Variants in CHIC2 observed in about 807,000 individuals in gnomAD.
CHIC2 encodes cysteine-rich hydrophobic domain-containing protein 2.
CHIC2 carries 14 observed loss-of-function variants against 25.9 expected under a neutral mutation model. The observed-to-expected ratio is 0.54, with a 90% CI of 0.36 to 0.85. CHIC2 has a LOEUF of 0.85. Ranked by LOEUF, CHIC2 falls within the 40% of genes least tolerant of loss-of-function variation. CHIC2 has a pLI of 0.01. For synonymous variants in CHIC2, 70 were observed against 72.0 expected (o/e 0.97, Z 0.14); for missense variants, 146 against 202.0 (o/e 0.72, Z 1.68).
intron 3 of CHIC2, among the ~76,000 whole-genome samples, chr4:54,027,879 C>CTT (rs774928214): frequency 6.6e-6 from 1 of 152,132 alleles, no homozygotes; most frequent in Non-Finnish European, 1.5e-5. Flanking sequence ...TAATAAATAA[C>CTT]TTTTCAAAGA....
rs1715663298 is a variant in CHIC2, at chr4:54,013,868, CT to C, written c.415del (p.Arg139GlyfsTer8). On this transcript the variant is annotated frameshift_variant, in exon 5 of 6. Coordinates refer to ENST00000263921, the MANE Select transcript of CHIC2 (RefSeq NM_012110.4). LOFTEE classifies it high-confidence loss of function. ...KLCLHWRLSK[R>X]KCETNNMMEY... is the part of the protein sequence containing the mutation. The stretch of plus-strand genomic sequence containing the variant: ...CATCATGTTATTCGTTTCACATTTC[CT>C]TTTGCTCAGTCTCCAATGCAAGCAC... 6.2e-7 allele frequency: 1 copy of C among 1,613,174 alleles called. No homozygotes were observed. Among genetic ancestry groups the C allele is most frequent in the Non-Finnish European group, 8.5e-7 (1 of 1,179,462 alleles).
At chr4:54,040,912 T>A (rs1716556356) in intron 3 of CHIC2, among the ~76,000 whole-genome samples, 1 of 148,630 alleles carries the variant, frequency 6.7e-6, no homozygotes, top group African/African-American at 2.5e-5. Flanking sequence ...TAGAACAGAA[T>A]AAAAACAAGG....
the CHIC2 span, among the ~76,000 whole-genome samples, chr4:54,070,923 C>T: frequency 6.6e-6 from 1 of 152,178 alleles, no homozygotes; most frequent in Non-Finnish European, 1.5e-5. Flanking sequence ...GAGTGGGCAT[C>T]TGACCTAAAA....
upstream of CHIC2, among the ~76,000 whole-genome samples, chr4:54,067,306 G>C (rs1177432110): frequency 6.6e-6 from 1 of 151,828 alleles, no homozygotes; most frequent in Admixed American, 6.6e-5. Flanking sequence ...CTGTGTGTGT[G>C]TGTGTGTGTG....
At chr4:54,069,157 A>G (rs1468583122), upstream of CHIC2, among the ~76,000 whole-genome samples, 1 of 152,138 alleles carries the variant, frequency 6.6e-6, no homozygotes, top group Non-Finnish European at 1.5e-5. Flanking sequence ...CTTCCCGAGT[A>G]GCTGGGAATG....
rs79980793 is a variant in CHIC2 at position 54,051,390 on chromosome 4, T to A, written c.120-2085A>T. Among the ~76,000 whole-genome samples the A allele has an allele frequency of 3.5e-3, 527 of 152,206 alleles. 5 individuals are homozygous for A. Among genetic ancestry groups the A allele is most frequent in the Middle Eastern group, 0.014 (4 of 294 alleles). On this transcript the variant is annotated intron_variant, in intron 1 of 5. Coordinates refer to ENST00000263921, the MANE Select transcript of CHIC2 (RefSeq NM_012110.4). Reference sequence around the variant, plus strand: ...GTATCACCAATAATAAATATATATATAACATACATATCTTATTTCTAATCT... The same window carrying A: ...GTATCACCAATAATAAATATATATAAAACATACATATCTTATTTCTAATCT...
At chr4:54,069,578 G>A (rs1025393322), upstream of CHIC2, among the ~76,000 whole-genome samples, 1 of 152,140 alleles carries the variant, frequency 6.6e-6, no homozygotes, top group Admixed American at 6.5e-5. Context: ...TGATTACACC[G>A]CTGGCCATTG....
intron 3 of CHIC2, among the ~76,000 whole-genome samples, chr4:54,043,722 A>G (rs977061196): frequency 5.9e-5 from 9 of 152,182 alleles, no homozygotes; most frequent in African/African-American, 1.9e-4. Context: ...AAGACCATCA[A>G]AGCTAGGAAG....
chr4:54,063,798 T>C (rs763462660), intron 1 of CHIC2, among the ~76,000 whole-genome samples: 4 of 152,212 alleles, frequency 2.6e-5, no homozygotes, highest in Non-Finnish European at 5.9e-5. Flanking sequence ...CTCTGAGCCA[T>C]GTCACTGGGT....
chr4:54,073,212 G>A, the CHIC2 span, among the ~76,000 whole-genome samples: 2 of 152,118 alleles, frequency 1.3e-5, no homozygotes, highest in African/African-American at 4.8e-5. Context: ...ATCAGCCTTG[G>A]TTTGGTCAAC....
chr4:54,013,850 T>A lies in CHIC2; in HGVS notation c.434A>T (p.Asn145Ile). The A allele has an allele frequency of 1.2e-6, 2 of 1,613,298 alleles. No homozygotes were observed. The highest frequency in any genetic ancestry group is 1.7e-6 in the Non-Finnish European group (2 of 1,179,416). Residue 145 changes from asparagine (N) to isoleucine (I), a missense_variant, in exon 5 of 6, where the codon AAC becomes ATC. Transcript: ENST00000263921. ...CCTTTAACTTACATATTCCATCATGTTATTCGTTTCACATTTCCTTTTGCT... is the reference window on the plus strand; with the variant it reads ...CCTTTAACTTACATATTCCATCATGATATTCGTTTCACATTTCCTTTTGCT... ...RLSKRKCETN[N>I]MMEYVILIEF...
chr4:54,076,119 T>G, the CHIC2 span, among the ~76,000 whole-genome samples: 1 of 151,984 alleles, frequency 6.6e-6, no homozygotes, highest in Non-Finnish European at 1.5e-5. Flanking sequence ...AGATCTTGTC[T>G]CTACTAAAAA....
At chr4:54,039,006 A>G (rs1053444936) in intron 3 of CHIC2, among the ~76,000 whole-genome samples, 4 of 152,182 alleles carry the variant, frequency 2.6e-5, no homozygotes, top group Admixed American at 1.3e-4. Context: ...TACAATGGCA[A>G]TTCAAGGGAA....
At chr4:54,081,188 C>G in the CHIC2 span, among the ~76,000 whole-genome samples, 3 of 151,592 alleles carry the variant, frequency 2.0e-5, no homozygotes, top group Admixed American at 2.0e-4. Context: ...CAGGGTCTCA[C>G]TATGTTACCC....
At chr4:54,049,799 AAGT>A (rs1175013598) in intron 1 of CHIC2, among the ~76,000 whole-genome samples, 2 of 152,112 alleles carry the variant, frequency 1.3e-5, no homozygotes, top group Admixed American at 1.3e-4. Context: ...AAAAATAAAA[AAGT>A]AGGAATGGAC....
At chr4:54,034,167 G>C (rs1716313003) in intron 3 of CHIC2, among the ~76,000 whole-genome samples, 1 of 152,096 alleles carries the variant, frequency 6.6e-6, no homozygotes, top group Non-Finnish European at 1.5e-5. Context: ...CACTTTGGGA[G>C]GCTGAGGTGG....
At chr4:54,085,649 G>C in the CHIC2 span, among the ~76,000 whole-genome samples, 1 of 152,204 alleles carries the variant, frequency 6.6e-6, no homozygotes, top group Non-Finnish European at 1.5e-5. Flanking sequence ...ACAAGAGGAT[G>C]TGGCCATTAT....
At chr4:54,067,825 C>G (rs1399072481), upstream of CHIC2, among the ~76,000 whole-genome samples, 1 of 152,080 alleles carries the variant, frequency 6.6e-6, no homozygotes, top group Non-Finnish European at 1.5e-5. Flanking sequence ...CTTCACCTTT[C>G]TAAGCTTCCT....
chr4:54,084,629 G>A, the CHIC2 span, among the ~76,000 whole-genome samples: 3 of 152,098 alleles, frequency 2.0e-5, no homozygotes, highest in Non-Finnish European at 4.4e-5. Flanking sequence ...GTGAAATAGT[G>A]TATAACTGAG....
Sources: allele counts gnomAD v4.1 joint callset (sites outside exome capture counted in the v4.1 genomes callset), GRCh38; gene constraint gnomAD v4.1.1; transcripts MANE v1.5; gene names NCBI Gene and HGNC (gene_info 2026-07-23, HGNC 2026-07-21).